The following STAG1 variants were observed in gnomAD, a reference collection of about 807,000 sequenced individuals.
The protein encoded by STAG1 is STAG1 cohesin complex component.
Under a neutral mutation model 170.9 loss-of-function variants are expected in STAG1, and 26 were observed. The observed-to-expected ratio is 0.15, with a 90% CI of 0.11 to 0.21. The LOEUF (loss-of-function observed/expected upper bound fraction) is 0.21. Ranked by LOEUF, STAG1 falls within the 10% of genes least tolerant of loss-of-function variation. The probability of loss-of-function intolerance (pLI) is 1.00; values close to 1 mark genes in which losing one functional copy is unlikely to be tolerated. For missense variants in STAG1, 964 were observed against 1,509.5 expected, an observed-to-expected ratio of 0.64 and a Z score of 5.99; for synonymous variants, 514 against 497.7, an observed-to-expected ratio of 1.03 and a Z score of -0.44.
At chr3:136,386,323 AGTGAGACTCT>A (rs1045048645) in intron 22 of STAG1, among the ~76,000 whole-genome samples, 27 of 152,180 alleles carry the variant, frequency 1.8e-4, no homozygotes, top group Non-Finnish European at 3.1e-4. Context: ...TGGGCAACAG[AGTGAGACTCT>A]GTCGCAAAAA....
At chr3:136,618,199 T>G (rs935976295) in intron 3 of STAG1, among the ~76,000 whole-genome samples, 1 of 152,194 alleles carries the variant, frequency 6.6e-6, no homozygotes, top group Admixed American at 6.6e-5. Context: ...TCACCTGCTC[T>G]GTCATAACCA....
intron 14 of STAG1, among the ~76,000 whole-genome samples, chr3:136,451,169 T>TA (rs66694432): frequency 2.2e-3 from 312 of 143,148 alleles, no homozygotes; most frequent in Middle Eastern, 3.6e-3. Flanking sequence ...TACAATATAT[T>TA]AAAAAAAAAA....
At chr3:136,736,172 A>G (rs1934321465) in intron 1 of STAG1, among the ~76,000 whole-genome samples, 1 of 152,214 alleles carries the variant, frequency 6.6e-6, no homozygotes, top group African/African-American at 2.4e-5. Context: ...CAAACTACCC[A>G]CGAAGTTTCT....
chr3:136,344,915 T>A (rs957910133), intron 29 of STAG1, among the ~76,000 whole-genome samples: 2 of 152,062 alleles, frequency 1.3e-5, no homozygotes, highest in Admixed American at 1.3e-4. Flanking sequence ...CGCCCAGGCT[T>A]CTCTTTTAAT....
chr3:136,643,173 C>A (rs1028653355), intron 1 of STAG1, among the ~76,000 whole-genome samples: 5 of 152,194 alleles, frequency 3.3e-5, no homozygotes, highest in African/African-American at 1.2e-4. Context: ...TACGACATCT[C>A]TCTGTTCTAT....
chr3:136,711,291 T>C (rs183083132), intron 1 of STAG1, among the ~76,000 whole-genome samples: 5 of 152,296 alleles, frequency 3.3e-5, no homozygotes, highest in Admixed American at 3.3e-4. Context: ...GAGAAATTAA[T>C]GCAGTGATTC....
At chr3:136,683,199 T>C (rs1942397551) in intron 1 of STAG1, among the ~76,000 whole-genome samples, 1 of 152,166 alleles carries the variant, frequency 6.6e-6, no homozygotes, top group Non-Finnish European at 1.5e-5. Context: ...AATGGGAATA[T>C]ATTTAAATAT....
intron 4 of STAG1, among the ~76,000 whole-genome samples, chr3:136,603,117 T>TA (rs1031599988): frequency 1.3e-5 from 2 of 151,542 alleles, no homozygotes; most frequent in African/African-American, 4.8e-5. Context: ...GAAATACAGG[T>TA]AAAAAATATA....
At chr3:136,447,401 G>A (rs975225912) in intron 14 of STAG1, among the ~76,000 whole-genome samples, 7 of 151,600 alleles carry the variant, frequency 4.6e-5, no homozygotes, top group African/African-American at 1.5e-4. Context: ...CCCAGGAGGC[G>A]GAGGGTGCAG....
In STAG1 at chr3:136,691,095, C is replaced by A. The variant is rs540458757; in HGVS notation, c.-83-60114G>T. On this transcript the variant is annotated intron_variant, in intron 1 of 33. Transcript: ENST00000383202. ...GGTGGAACACTTGAGCCCAGGAGTT[C>A]GAGACCAGCCTGGGACACATGGCAA... Among the ~76,000 whole-genome samples the A allele has an allele frequency of 4.6e-5, 7 of 151,574 alleles. No homozygotes were observed. In the East Asian group the frequency reaches 1.2e-3, roughly 25 times the overall value.
chr3:136,739,233 C>A (rs1477337350), intron 1 of STAG1, among the ~76,000 whole-genome samples: 1 of 152,110 alleles, frequency 6.6e-6, no homozygotes, highest in African/African-American at 2.4e-5. Context: ...ACACTACACA[C>A]TGGGTGAGGC....
intron 4 of STAG1, among the ~76,000 whole-genome samples, chr3:136,580,794 A>G (rs904813439): frequency 6.6e-6 from 1 of 151,892 alleles, no homozygotes; most frequent in South Asian, 2.1e-4. Context: ...CGGCCTCCCA[A>G]AGTGCTGGGA....
intron 13 of STAG1, among the ~76,000 whole-genome samples, chr3:136,456,566 G>C (rs2089117843): frequency 6.6e-6 from 1 of 152,116 alleles, no homozygotes; most frequent in Non-Finnish European, 1.5e-5. Flanking sequence ...GGAGACGAGA[G>C]AGAAAAAGGG....
chr3:136,674,152 A>AGG (rs1338030843), intron 1 of STAG1, among the ~76,000 whole-genome samples: 6 of 20,844 alleles, frequency 2.9e-4, no homozygotes, highest in African/African-American at 1.2e-3. Flanking sequence ...GGAGGGAGGG[A>AGG]GAGAGGGAGG....
At chr3:136,498,527 A>G (rs773510445) in intron 9 of STAG1, among the ~76,000 whole-genome samples, 5 of 151,894 alleles carry the variant, frequency 3.3e-5, no homozygotes, top group Non-Finnish European at 7.4e-5. Context: ...AAGGAGTTAC[A>G]AAGTGCCATG....
chr3:136,453,783 C>T (rs569144426), intron 13 of STAG1, among the ~76,000 whole-genome samples: 74 of 150,062 alleles, frequency 4.9e-4, no homozygotes, highest in Non-Finnish European at 3.2e-4. Context: ...ATGTATATAG[C>T]ATGTACTAGT....
chr3:136,561,441 C>T (rs1034667219), intron 5 of STAG1, among the ~76,000 whole-genome samples: 1 of 152,196 alleles, frequency 6.6e-6, no homozygotes, highest in Non-Finnish European at 1.5e-5. Context: ...TGGTTTACAC[C>T]ATCACAGTGA....
intron 1 of STAG1, among the ~76,000 whole-genome samples, chr3:136,696,178 G>A (rs1340296770): frequency 6.6e-6 from 1 of 152,196 alleles, no homozygotes; most frequent in Non-Finnish European, 1.5e-5. Flanking sequence ...TAACTGGTAA[G>A]TGACAGCAGT....
chr3:136,684,776 CA>C (rs772542086), intron 1 of STAG1, among the ~76,000 whole-genome samples: 15,124 of 63,626 alleles, frequency 0.24, 923 homozygotes, highest in African/African-American at 0.42. Flanking sequence ...ACCCTGTCTC[CA>C]AAAAAAAAAA....
Sources: allele counts gnomAD v4.1 joint callset (sites outside exome capture counted in the v4.1 genomes callset), GRCh38; gene constraint gnomAD v4.1.1; transcripts MANE v1.5; gene names NCBI Gene and HGNC (gene_info 2026-07-23, HGNC 2026-07-21).